The following RAC1 variants were observed in gnomAD, a reference collection of about 807,000 sequenced individuals.
The protein encoded by RAC1 is ras-related C3 botulinum toxin substrate 1.
Under a neutral mutation model 25.2 loss-of-function variants are expected in RAC1, and 2 were observed. That is an observed-to-expected ratio of 0.08 (90% confidence interval 0.03 to 0.25). The LOEUF is 0.25. Ranked by LOEUF, RAC1 falls within the 10% of genes least tolerant of loss-of-function variation. The pLI is 1.00. For synonymous variants in RAC1, 88 were observed against 94.0 expected, an observed-to-expected ratio of 0.94 and a Z score of 0.37; for missense variants, 50 against 235.7, an observed-to-expected ratio of 0.21 and a Z score of 5.16.
At chr7:6,388,798 G>A (rs1347567893) in intron 2 of RAC1, among the ~76,000 whole-genome samples, 12 of 152,176 alleles carry the variant, frequency 7.9e-5, no homozygotes, top group Non-Finnish European at 1.8e-4. Flanking sequence ...GACTCTTGGT[G>A]TTAACAAACA....
At chr7:6,402,252 T>G in intron 5 of RAC1, 64 bp from the exon 6 acceptor site, 1 of 1,536,952 alleles carries the variant, frequency 6.5e-7, no homozygotes, top group South Asian at 1.3e-5. Flanking sequence ...TGCCTCCCGC[T>G]GGTGGTGTGA....
intron 3 of RAC1, among the ~76,000 whole-genome samples, chr7:6,399,188 C>T (rs373689502): frequency 2.0e-5 from 3 of 152,258 alleles, no homozygotes; most frequent in South Asian, 4.1e-4. Flanking sequence ...GATTCTTGGA[C>T]GAGCTTGTGC....
intron 1 of RAC1, among the ~76,000 whole-genome samples, chr7:6,375,246 ACTTTT>A (rs1489667211): frequency 2.6e-5 from 4 of 151,760 alleles, no homozygotes; most frequent in Non-Finnish European, 5.9e-5. Context: ...GTGCCCCCAA[ACTTTT>A]CTTTAAAAAA....
chr7:6,374,837 C>T, intron 1 of RAC1, 67 bp downstream of exon 1: 5 of 1,052,888 alleles, frequency 4.7e-6, no homozygotes, highest in Non-Finnish European at 5.8e-6. Context: ...TGGGCCCGGA[C>T]TGGGGCCCAG....
intron 3 of RAC1, among the ~76,000 whole-genome samples, chr7:6,397,616 G>T (rs142909739): frequency 6.8e-4 from 103 of 152,328 alleles, no homozygotes; most frequent in African/African-American, 2.5e-3. Context: ...TATGTTGGAA[G>T]AGCGAGTTTG....
chr7:6,381,327 C>G (rs1004158170), intron 1 of RAC1, among the ~76,000 whole-genome samples: 2 of 151,542 alleles, frequency 1.3e-5, no homozygotes, highest in East Asian at 3.9e-4. Context: ...TGTCTTCAGC[C>G]TAAGTGAGAA....
At chr7:6,389,621 A>G (rs1035761598) in intron 2 of RAC1, among the ~76,000 whole-genome samples, 1 of 152,124 alleles carries the variant, frequency 6.6e-6, no homozygotes, top group African/African-American at 2.4e-5. Flanking sequence ...TGGAGGTTGC[A>G]GTGAGCCAAG....
At chr7:6,382,554 C>T (rs1269515774) in intron 1 of RAC1, among the ~76,000 whole-genome samples, 1 of 152,164 alleles carries the variant, frequency 6.6e-6, no homozygotes, top group Non-Finnish European at 1.5e-5. Flanking sequence ...ACCCTACTCT[C>T]CTCAAAAAGT....
chr7:6,396,540 A>G (rs1783239587), intron 3 of RAC1, among the ~76,000 whole-genome samples: 1 of 152,136 alleles, frequency 6.6e-6, no homozygotes, highest in Non-Finnish European at 1.5e-5. Flanking sequence ...GAGGCTCTTA[A>G]AAATCGAAAG....
chr7:6,385,041 A>G (rs943962064), intron 1 of RAC1, among the ~76,000 whole-genome samples: 2 of 151,622 alleles, frequency 1.3e-5, no homozygotes, highest in Admixed American at 6.6e-5. Context: ...CCTGGGCTCA[A>G]GCGATCCACC....
chr7:6,395,807 T>C (rs576761053), intron 3 of RAC1, among the ~76,000 whole-genome samples: 405 of 152,370 alleles, frequency 2.7e-3, no homozygotes, highest in Non-Finnish European at 3.9e-3. Context: ...CCAGAATGTC[T>C]GTGTGTTTTA....
chr7:6,383,646 C>T (rs1452799310), intron 1 of RAC1, among the ~76,000 whole-genome samples: 3 of 151,930 alleles, frequency 2.0e-5, no homozygotes, highest in Admixed American at 1.3e-4. Context: ...TAGTTTTGTT[C>T]CTCATATACA....
intron 1 of RAC1, among the ~76,000 whole-genome samples, chr7:6,376,472 C>T (rs969553359): frequency 1.4e-5 from 2 of 147,494 alleles, no homozygotes; most frequent in South Asian, 2.1e-4. Context: ...GCGTAAGCCA[C>T]GGCGCCCGGC....
At chr7:6,391,582 T>G in intron 2 of RAC1, 1 of 278,892 alleles carries the variant, frequency 3.6e-6, no homozygotes, top group Non-Finnish European at 6.9e-6. Flanking sequence ...ACCCAACAAG[T>G]AGGATTTGAA....
Position 6,402,842 on chromosome 7 carries a change from C to T in RAC1, c.*396C>T, listed in dbSNP as rs1238815338. On this transcript the variant is annotated 3_prime_UTR_variant, in exon 6 of 6. Coordinates refer to ENST00000348035, the MANE Select transcript of RAC1 (RefSeq NM_006908.5). Reference sequence around the variant, plus strand: ...GCAAAGACCTTCGTCTTTGAGAAGACGGTAGCTTCTGCAGTTAGGAGGTGC... The same window carrying T: ...GCAAAGACCTTCGTCTTTGAGAAGATGGTAGCTTCTGCAGTTAGGAGGTGC... 2 of 202,122 alleles carry T rather than the reference C, an allele frequency of 9.9e-6. No homozygotes were observed. Among genetic ancestry groups the T allele is most frequent in the African/African-American group, 2.3e-5 (1 of 43,454 alleles). The allele number at this position is 202,122 out of a possible 1,614,324, so 12.5% of individuals were successfully genotyped here.
intron 1 of RAC1, among the ~76,000 whole-genome samples, chr7:6,375,038 T>TAGAGGGAAAAGTGAACTCCACCCTCCGG (rs1782541236): frequency 1.3e-5 from 2 of 151,034 alleles, no homozygotes; most frequent in Non-Finnish European, 3.0e-5. Context: ...CCTCCGGCTT[T>TAGAGGGAAAAGTGAACTCCACCCTCCGG]CTTCCCGGAC....
Position 6,402,581 on chromosome 7 carries a change from A to G in RAC1, c.*135A>G. On this transcript the variant is annotated 3_prime_UTR_variant, in exon 6 of 6. Coordinates refer to ENST00000348035, the MANE Select transcript of RAC1 (RefSeq NM_006908.5). ...ACTCAATGCCAACTTTTTGTTACAG[A>G]TTAATTTTTCCATAAAACCATTTTT... The G allele has an allele frequency of 2.3e-6, 2 of 882,116 alleles. No homozygotes were observed. Among genetic ancestry groups the G allele is most frequent in the African/African-American group, 1.8e-5 (1 of 56,940 alleles). The allele number at this position is 882,116 out of a possible 1,614,324, so 54.6% of individuals were successfully genotyped here.
In RAC1 at chr7:6,390,256, G is replaced by A. The variant is rs930530919; in HGVS notation, c.108-1668G>A. On this transcript the variant is annotated intron_variant, in intron 2 of 5. Coordinates refer to ENST00000348035, the MANE Select transcript of RAC1 (RefSeq NM_006908.5). ...AATCCTCAGTCTGTCATTTGTCTTT[G>A]TACTTCATTATGGTGTCTTCTGCCA... Among the ~76,000 whole-genome samples, 5 of 151,458 alleles carry A rather than the reference G, an allele frequency of 3.3e-5. No homozygotes were observed. In the East Asian group the frequency reaches 9.7e-4, roughly 29 times the overall value.
chr7:6,400,790 C>T (rs1388566647), intron 4 of RAC1, among the ~76,000 whole-genome samples: 2 of 152,090 alleles, frequency 1.3e-5, no homozygotes, highest in East Asian at 3.8e-4. Context: ...ATTCTCATGC[C>T]TCAGCCTCCC....
Sources: gnomAD v4.1 joint callset for allele counts (sites outside exome capture counted in the v4.1 genomes callset) on GRCh38, gnomAD v4.1.1 for gene constraint, MANE v1.5 for transcripts, NCBI Gene and HGNC (gene_info 2026-07-23, HGNC 2026-07-21) for gene names.